The following STX17 variants were observed in gnomAD, a reference collection of about 807,000 sequenced individuals.
STX17 encodes syntaxin-17.
Under a neutral mutation model 35.9 loss-of-function variants are expected in STX17, and 29 were observed. That is an observed-to-expected ratio of 0.81 (90% CI 0.60 to 1.10). STX17 has a LOEUF of 1.10. Ranked by LOEUF, STX17 falls within the 50% of genes least tolerant of loss-of-function variation. STX17 has a pLI of 0.00. For missense variants in STX17, 312 were observed against 352.3 expected, an observed-to-expected ratio of 0.89 and a Z score of 0.92; for synonymous variants, 92 against 118.3, an observed-to-expected ratio of 0.78 and a Z score of 1.44.
At position 99,944,421 on chromosome 9, in the gene STX17, A is replaced by T. The variant is rs532426144; in HGVS notation, c.190-6639A>T. Among the ~76,000 whole-genome samples the T allele has an allele frequency of 2.7e-5, 4 of 150,688 alleles. No homozygotes were observed. In the South Asian group the frequency reaches 8.4e-4, roughly 32 times the overall value. ...AATTTTCAACCTTTTTTCTTTTCTAATATATATATATGCAGTTACAGCTAT... is the reference window on the plus strand; with the variant it reads ...AATTTTCAACCTTTTTTCTTTTCTATTATATATATATGCAGTTACAGCTAT... On this transcript the variant is annotated intron_variant, in intron 3 of 7. Transcript: ENST00000259400.
intron 3 of STX17, among the ~76,000 whole-genome samples, chr9:99,935,057 G>T (rs950492889): frequency 6.6e-6 from 1 of 151,992 alleles, no homozygotes; most frequent in Non-Finnish European, 1.5e-5. Flanking sequence ...TAGGCTGGGC[G>T]CAGTGGCTCA....
At chr9:99,933,714 A>G (rs987772360) in intron 3 of STX17, among the ~76,000 whole-genome samples, 2 of 152,134 alleles carry the variant, frequency 1.3e-5, no homozygotes, top group African/African-American at 4.8e-5. Flanking sequence ...GGTGGAGTCT[A>G]ATTTCCCTTC....
At chr9:99,912,408 A>G (rs1444487532) in intron 1 of STX17, among the ~76,000 whole-genome samples, 3 of 151,884 alleles carry the variant, frequency 2.0e-5, no homozygotes, top group African/African-American at 7.3e-5. Context: ...GGTCATTTGT[A>G]TGTCTTCTTT....
In STX17 at chr9:99,946,225, C is replaced by T. The variant is rs561711934; in HGVS notation, c.190-4835C>T. ...ATATTAGGTATTATAAGTAATCTAG[C>T]GATAAAGTATACAGGAGGATATTCA... On this transcript the variant is annotated intron_variant, in intron 3 of 7. Transcript: ENST00000259400. Among the ~76,000 whole-genome samples, 6 of 152,052 alleles carry T rather than the reference C, an allele frequency of 3.9e-5. No individual in the cohort carries two copies. The South Asian group carries it at 1.2e-3, about 32-fold the overall frequency.
At chr9:99,920,639 A>C (rs1413191662) in intron 2 of STX17, among the ~76,000 whole-genome samples, 1 of 152,232 alleles carries the variant, frequency 6.6e-6, no homozygotes, top group Admixed American at 6.5e-5. Flanking sequence ...CTCTAGTGCC[A>C]CCATGCAAAG....
chr9:99,957,620 C>T (rs1829735087), intron 4 of STX17, among the ~76,000 whole-genome samples: 1 of 150,690 alleles, frequency 6.6e-6, no homozygotes, highest in South Asian at 2.1e-4. Context: ...AGCCTTCAGA[C>T]TGTTTTTTTG....
chr9:99,946,785 A>G (rs1299623690), intron 3 of STX17, among the ~76,000 whole-genome samples: 2 of 152,150 alleles, frequency 1.3e-5, no homozygotes, highest in East Asian at 1.9e-4. Flanking sequence ...TTTGCTTTCT[A>G]TACTTTGAAT....
chr9:99,913,902 A>T (rs1401687687), intron 1 of STX17: 1 of 152,176 alleles, frequency 6.6e-6, no homozygotes, highest in Non-Finnish European at 1.5e-5. Context: ...TTTGGGGATG[A>T]TAGATCTCTG....
intron 4 of STX17, among the ~76,000 whole-genome samples, chr9:99,957,656 GT>G (rs139402328): frequency 0.26 from 35,378 of 133,526 alleles, 3,743 homozygotes; most frequent in Middle Eastern, 0.33. Context: ...TATTGTTTTT[GT>G]TTTTTTTTTT....
chr9:99,951,414 T>C (rs550136665), intron 4 of STX17, 129 bp downstream of exon 4: 15 of 799,028 alleles, frequency 1.9e-5, no homozygotes, highest in Non-Finnish European at 2.7e-5. Context: ...TGCTGAATCC[T>C]TGGACCCTGA....
At chr9:99,923,870 G>A (rs1297175072) in intron 2 of STX17, among the ~76,000 whole-genome samples, 1 of 152,174 alleles carries the variant, frequency 6.6e-6, no homozygotes, top group African/African-American at 2.4e-5. Context: ...CTGAAGAGAT[G>A]CATAAGGTGA....
In STX17 at chr9:99,960,096, C is replaced by T; in HGVS notation, c.532-9C>T. On this transcript the variant is annotated splice_polypyrimidine_tract_variant and intron_variant, in intron 5 of 7. Coordinates refer to ENST00000259400, the MANE Select transcript of STX17 (RefSeq NM_017919.3). ...CATAAAAGTAACTTCCTCTCCCTTT[C>T]TTTTAAAGGACTTAATTGAACTTAG... 1 of 1,614,034 alleles carries T rather than the reference C, an allele frequency of 6.2e-7. No homozygotes were observed. Among genetic ancestry groups the T allele is most frequent in the Non-Finnish European group, 8.5e-7 (1 of 1,179,954 alleles).
chr9:99,958,634 G>A (rs1829761681), intron 4 of STX17, among the ~76,000 whole-genome samples: 1 of 152,164 alleles, frequency 6.6e-6, no homozygotes, highest in South Asian at 2.1e-4. Context: ...ACTAGGCCCA[G>A]GCTCCTAACC....
Position 99,960,128 on chromosome 9 carries a change from G to T in STX17, c.555G>T (p.Leu185=). The change falls in exon 6 of 8, where the codon CTG becomes CTT. Residue 185 remains leucine, a synonymous_variant. Transcript: ENST00000259400. ...LEADLIELSQ[L]VTDFSLLVNS... is the part of the protein sequence containing the mutation. Reference sequence around the variant, plus strand: ...AGGACTTAATTGAACTTAGCCAACTGGTCACTGACTTCTCTCTCCTAGTGA... The same window carrying T: ...AGGACTTAATTGAACTTAGCCAACTTGTCACTGACTTCTCTCTCCTAGTGA... 3 of 1,613,956 alleles carry T rather than the reference G, an allele frequency of 1.9e-6. No individual in the cohort carries two copies. The highest frequency in any genetic ancestry group is 2.5e-6 in the Non-Finnish European group (3 of 1,179,966).
chr9:99,931,978 G>GT (rs1829134318), intron 3 of STX17, among the ~76,000 whole-genome samples: 1 of 152,120 alleles, frequency 6.6e-6, no homozygotes, highest in African/African-American at 2.4e-5. Flanking sequence ...GCAAGCTGGC[G>GT]TTTTCCTTAG....
At chr9:99,947,003 C>T (rs1352321038) in intron 3 of STX17, among the ~76,000 whole-genome samples, 4 of 151,938 alleles carry the variant, frequency 2.6e-5, no homozygotes, top group Admixed American at 2.6e-4. Flanking sequence ...TGTTTTTCTT[C>T]AATGTTTTGA....
chr9:99,940,952 G>A (rs944640023), intron 3 of STX17, among the ~76,000 whole-genome samples: 6 of 152,126 alleles, frequency 3.9e-5, no homozygotes, highest in Non-Finnish European at 8.8e-5. Flanking sequence ...CTGCAAGATG[G>A]CATCATGGTT....
chr9:99,971,136 A>G lies in STX17; in HGVS notation c.*2463A>G, dbSNP rs1830008931. ...CATAGTCAGTGTGACACAGAAACCAATCTTAAAATTGAATTTAATGTTTTA... is the reference window on the plus strand; with the variant it reads ...CATAGTCAGTGTGACACAGAAACCAGTCTTAAAATTGAATTTAATGTTTTA... On this transcript the variant is annotated 3_prime_UTR_variant, in exon 8 of 8. Transcript: ENST00000259400. 6.6e-6 allele frequency among the ~76,000 whole-genome samples: 1 copy of G among 152,230 alleles called. No individual in the cohort carries two copies. The highest frequency in any genetic ancestry group is 2.4e-5 in the African/African-American group (1 of 41,460).
chr9:99,911,716 A>T (rs1828669020), intron 1 of STX17, among the ~76,000 whole-genome samples: 1 of 152,110 alleles, frequency 6.6e-6, no homozygotes, highest in Middle Eastern at 3.4e-3. Flanking sequence ...CACTGGGACT[A>T]CAGGCACCCA....
Sources: gnomAD v4.1 joint callset for allele counts (sites outside exome capture counted in the v4.1 genomes callset) on GRCh38, gnomAD v4.1.1 for gene constraint, MANE v1.5 for transcripts, NCBI Gene and HGNC (gene_info 2026-07-23, HGNC 2026-07-21) for gene names.